Variants in EPHA3 observed in about 807,000 individuals in gnomAD.
The protein encoded by EPHA3 is ephrin type-A receptor 3.
In EPHA3, 42 loss-of-function variants were observed where a neutral mutation model predicts 107.1. The ratio of observed to expected loss-of-function variants is 0.39; its 90% CI spans 0.31 to 0.51. The LOEUF (loss-of-function observed/expected upper bound fraction) is 0.51. EPHA3 is among the 20% of genes least tolerant of loss of function. The pLI is 0.78. For missense variants in EPHA3, 1,183 were observed against 1,211.2 expected, an observed-to-expected ratio of 0.98 and a Z score of 0.35; for synonymous variants, 461 against 424.8, an observed-to-expected ratio of 1.09 and a Z score of -1.05.
chr3:89,195,833 T>C (rs913502043), intron 2 of EPHA3, among the ~76,000 whole-genome samples: 2 of 152,196 alleles, frequency 1.3e-5, no homozygotes, highest in African/African-American at 4.8e-5. Flanking sequence ...TGTACTTAAA[T>C]CTAATTGTTG....
intron 4 of EPHA3, 136 bp from the exon 5 acceptor site, chr3:89,341,619 T>C (rs1707523557): frequency 1.4e-6 from 1 of 721,246 alleles, no homozygotes; most frequent in African/African-American, 1.8e-5. Flanking sequence ...TCATGGATCC[T>C]CTAAGGATGA....
chr3:89,329,587 T>C (rs568638696), intron 3 of EPHA3, among the ~76,000 whole-genome samples: 1 of 152,248 alleles, frequency 6.6e-6, no homozygotes, highest in South Asian at 2.1e-4. Context: ...TTAATCATTG[T>C]ATTCCTTTTA....
intron 3 of EPHA3, among the ~76,000 whole-genome samples, chr3:89,266,560 A>G (rs1469596587): frequency 1.3e-5 from 2 of 152,128 alleles, no homozygotes; most frequent in African/African-American, 2.4e-5. Context: ...TTTAAAGTAA[A>G]TATTTATAAA....
chr3:89,200,360 A>G (rs1292236388), intron 2 of EPHA3, among the ~76,000 whole-genome samples: 1 of 152,228 alleles, frequency 6.6e-6, no homozygotes, highest in African/African-American at 2.4e-5. Context: ...CTGAGTTACT[A>G]TCTTCACATG....
At chr3:89,230,902 G>A (rs2033233644) in intron 3 of EPHA3, among the ~76,000 whole-genome samples, 1 of 151,202 alleles carries the variant, frequency 6.6e-6, no homozygotes, top group Admixed American at 6.6e-5. Context: ...TTCAGACTAT[G>A]GGCTTTGTTT....
At chr3:89,211,443 G>T (rs1012440698) in intron 3 of EPHA3, among the ~76,000 whole-genome samples, 4 of 151,848 alleles carry the variant, frequency 2.6e-5, no homozygotes, top group African/African-American at 7.3e-5. Flanking sequence ...TAAGTATATT[G>T]TCCTTGAAAT....
intron 3 of EPHA3, among the ~76,000 whole-genome samples, chr3:89,220,654 T>G (rs1371839854): frequency 6.6e-6 from 1 of 152,164 alleles, no homozygotes; most frequent in Non-Finnish European, 1.5e-5. Context: ...AGAGTTAGTT[T>G]CCTTTGAGGA....
intron 3 of EPHA3, among the ~76,000 whole-genome samples, chr3:89,326,595 G>T (rs758674005): frequency 2.6e-5 from 4 of 151,902 alleles, no homozygotes; most frequent in Non-Finnish European, 4.4e-5. Flanking sequence ...TCACCATGTT[G>T]CCCAGGCTGG....
intron 9 of EPHA3, among the ~76,000 whole-genome samples, chr3:89,409,125 A>C (rs1709109671): frequency 2.0e-5 from 3 of 152,094 alleles, no homozygotes; most frequent in Admixed American, 2.0e-4. Flanking sequence ...GCAGTATAGG[A>C]GTTTGAAGAA....
chr3:89,162,853 T>C (rs1400783526), intron 2 of EPHA3, among the ~76,000 whole-genome samples: 1 of 152,178 alleles, frequency 6.6e-6, no homozygotes, highest in Non-Finnish European at 1.5e-5. Context: ...GGCCACTCCA[T>C]GCAGCAAAGA....
rs182807262 is a variant in EPHA3 at position 89,298,586 on chromosome 3, G to A, written c.815-42330G>A. ...TGTTTTGGTTGTTTCTTGTGAGATG[G>A]TAAATTCAGTCTCTGTTACTTTTTC... On this transcript the variant is annotated intron_variant, in intron 3 of 16. Transcript: ENST00000336596. Among the ~76,000 whole-genome samples, 570 of 152,150 alleles carry A rather than the reference G, an allele frequency of 3.7e-3. 1 individual carries two copies. The highest frequency in any genetic ancestry group is 0.013 in the African/African-American group (546 of 41,528).
intron 2 of EPHA3, among the ~76,000 whole-genome samples, chr3:89,208,402 G>GGAAGGAAT (rs1706165265): frequency 2.5e-5 from 1 of 39,294 alleles, no homozygotes; most frequent in Non-Finnish European, 4.5e-5. Flanking sequence ...AGAAAGAAAA[G>GGAAGGAAT]GAAGGAAGGA....
chr3:89,447,222 G>A (rs192322201), intron 13 of EPHA3, among the ~76,000 whole-genome samples: 73 of 152,186 alleles, frequency 4.8e-4, no homozygotes, highest in Admixed American at 2.0e-3. Flanking sequence ...CTTTTCTCTG[G>A]CTCCGGTCTC....
intron 2 of EPHA3, among the ~76,000 whole-genome samples, chr3:89,180,276 G>A (rs757852397): frequency 6.6e-6 from 1 of 151,514 alleles, no homozygotes; most frequent in Admixed American, 6.6e-5. Flanking sequence ...AAATATTTAG[G>A]CATTGTCCTT....
intron 5 of EPHA3, among the ~76,000 whole-genome samples, chr3:89,373,303 C>T (rs954500606): frequency 1.3e-5 from 2 of 151,696 alleles, no homozygotes; most frequent in African/African-American, 4.8e-5. Context: ...AAATTTCCTC[C>T]AGCCACTTTT....
At chr3:89,325,208 C>G (rs1707138702) in intron 3 of EPHA3, among the ~76,000 whole-genome samples, 1 of 152,162 alleles carries the variant, frequency 6.6e-6, no homozygotes, top group East Asian at 1.9e-4. Context: ...CTCTCTTCCA[C>G]TTTGCACTCT....
At chr3:89,278,815 G>T (rs1424420290) in intron 3 of EPHA3, among the ~76,000 whole-genome samples, 1 of 152,136 alleles carries the variant, frequency 6.6e-6, no homozygotes, top group Non-Finnish European at 1.5e-5. Context: ...AAAGAAATGT[G>T]CTAAAATGAG....
At chr3:89,415,802 C>CT (rs1576366944) in intron 10 of EPHA3, among the ~76,000 whole-genome samples, 1 of 150,946 alleles carries the variant, frequency 6.6e-6, no homozygotes, top group Admixed American at 6.6e-5. Context: ...TTTTATTATC[C>CT]TTTTTAGATA....
At chr3:89,179,973 T>C (rs1705405814) in intron 2 of EPHA3, among the ~76,000 whole-genome samples, 1 of 151,882 alleles carries the variant, frequency 6.6e-6, no homozygotes, top group Non-Finnish European at 1.5e-5. Flanking sequence ...GTAATTTAAA[T>C]GTTTAAATAT....
Sources: gnomAD v4.1 joint callset for allele counts (sites outside exome capture counted in the v4.1 genomes callset) on GRCh38, gnomAD v4.1.1 for gene constraint, MANE v1.5 for transcripts, NCBI Gene and HGNC (gene_info 2026-07-23, HGNC 2026-07-21) for gene names.